Variants in STARD13 observed in about 807,000 individuals in gnomAD.
The protein encoded by STARD13 is stAR-related lipid transfer protein 13.
Under a neutral mutation model 106.4 loss-of-function variants are expected in STARD13, and 62 were observed. That is an observed-to-expected ratio of 0.58 (90% CI 0.48 to 0.72). The LOEUF (loss-of-function observed/expected upper bound fraction) is 0.72, where lower values mean the gene tolerates loss of function less well. Among genes scored for constraint, STARD13 ranks in the 30% least tolerant of loss-of-function variants. The pLI is 0.00. For missense variants in STARD13, 1,387 were observed against 1,424.0 expected (o/e 0.97, Z 0.42); for synonymous variants, 565 against 553.0 (o/e 1.02, Z -0.31).
chr13:33,120,755 T>C (rs1876154171), intron 7 of STARD13, among the ~76,000 whole-genome samples: 1 of 151,318 alleles, frequency 6.6e-6, no homozygotes, highest in African/African-American at 2.4e-5. Flanking sequence ...GAGCTAACCC[T>C]GGAACCGTTC....
intron 1 of STARD13, among the ~76,000 whole-genome samples, chr13:33,276,448 G>C (rs1021095370): frequency 1.3e-5 from 2 of 152,082 alleles, no homozygotes; most frequent in East Asian, 3.8e-4. Flanking sequence ...TATCATTAAC[G>C]CAGGATTTGT....
chr13:33,317,475 C>T (rs1451697178), intron 1 of STARD13, among the ~76,000 whole-genome samples: 1 of 152,172 alleles, frequency 6.6e-6, no homozygotes, highest in African/African-American at 2.4e-5. Context: ...ACTACTGCAG[C>T]AGCCCTGCTT....
chr13:33,482,926 A>G, the STARD13 span, among the ~76,000 whole-genome samples: 1 of 152,226 alleles, frequency 6.6e-6, no homozygotes, highest in African/African-American at 2.4e-5. Context: ...ATAGGAGAGA[A>G]GCAGAAAATC....
At chr13:33,166,327 C>T (rs1883309303) in intron 2 of STARD13, among the ~76,000 whole-genome samples, 1 of 151,854 alleles carries the variant, frequency 6.6e-6, no homozygotes, top group South Asian at 2.1e-4. Flanking sequence ...GATTTTTTTT[C>T]ATGGAAGGCT....
chr13:33,498,635 A>T, the STARD13 span, among the ~76,000 whole-genome samples: 1 of 152,224 alleles, frequency 6.6e-6, no homozygotes, highest in Non-Finnish European at 1.5e-5. Flanking sequence ...TTTGCAAGAT[A>T]AGATACAAAT....
chr13:33,305,966 G>A (rs1555260614), intron 1 of STARD13, among the ~76,000 whole-genome samples: 1 of 152,144 alleles, frequency 6.6e-6, no homozygotes, highest in Non-Finnish European at 1.5e-5. Flanking sequence ...CACAGAATTA[G>A]AAAAAACTGC....
intron 1 of STARD13, among the ~76,000 whole-genome samples, chr13:33,234,524 C>A (rs1889090311): frequency 6.6e-6 from 1 of 152,208 alleles, no homozygotes; most frequent in Non-Finnish European, 1.5e-5. Flanking sequence ...ACTCAATGTT[C>A]ATCCACCTTA....
chr13:33,400,281 G>A, the STARD13 span, among the ~76,000 whole-genome samples: 2 of 152,130 alleles, frequency 1.3e-5, no homozygotes, highest in Non-Finnish European at 2.9e-5. Flanking sequence ...GTTCATCTAT[G>A]TTGTGACAAA....
At chr13:33,642,569 T>G in the STARD13 span, among the ~76,000 whole-genome samples, 1 of 152,116 alleles carries the variant, frequency 6.6e-6, no homozygotes, top group South Asian at 2.1e-4. Context: ...AGGAGCCCCG[T>G]TTACAAGTTA....
At chr13:33,110,123 T>C (rs2138065229) in intron 11 of STARD13, 33 bp from the exon 12 acceptor site, 1 of 1,601,052 alleles carries the variant, frequency 6.2e-7, no homozygotes, top group South Asian at 1.1e-5. Context: ...GCTGAAGAGG[T>C]TGTCTGGGAT....
At chr13:33,507,015 C>G in the STARD13 span, among the ~76,000 whole-genome samples, 1 of 152,092 alleles carries the variant, frequency 6.6e-6, no homozygotes, top group Non-Finnish European at 1.5e-5. Flanking sequence ...GTGAGAGGAT[C>G]GCTTGAGCTT....
At chr13:33,646,691 T>A in the STARD13 span, among the ~76,000 whole-genome samples, 5 of 152,172 alleles carry the variant, frequency 3.3e-5, no homozygotes, top group Non-Finnish European at 7.4e-5. Flanking sequence ...TTTTTTTTTT[T>A]AATGAAATTT....
At chr13:33,374,156 G>A in the STARD13 span, among the ~76,000 whole-genome samples, 1 of 152,128 alleles carries the variant, frequency 6.6e-6, no homozygotes, top group African/African-American at 2.4e-5. Context: ...AAACCTTGAA[G>A]ACATTATACT....
At chr13:33,418,447 T>C in the STARD13 span, among the ~76,000 whole-genome samples, 2 of 152,224 alleles carry the variant, frequency 1.3e-5, no homozygotes, top group Non-Finnish European at 2.9e-5. Flanking sequence ...AAGCTCAAAC[T>C]GGGTGGAGCC....
At chr13:33,291,186 GTTC>G (rs972973613) in intron 1 of STARD13, among the ~76,000 whole-genome samples, 26 of 152,332 alleles carry the variant, frequency 1.7e-4, no homozygotes, top group African/African-American at 5.3e-4. Context: ...ATTGAAGAAT[GTTC>G]TTCTTTTTAA....
chr13:33,406,834 T>C, the STARD13 span, among the ~76,000 whole-genome samples: 1 of 152,002 alleles, frequency 6.6e-6, no homozygotes, highest in Admixed American at 6.5e-5. Flanking sequence ...AGCGTCGCCT[T>C]GTGAGACCTC....
At chr13:33,256,360 G>GTTGCCA (rs1186714255) in intron 1 of STARD13, among the ~76,000 whole-genome samples, 2 of 152,206 alleles carry the variant, frequency 1.3e-5, no homozygotes, top group Admixed American at 1.3e-4. Flanking sequence ...AGTCAGCAGT[G>GTTGCCA]TTGCCATTGT....
chr13:33,521,999 A>T, the STARD13 span, among the ~76,000 whole-genome samples: 3 of 152,084 alleles, frequency 2.0e-5, no homozygotes, highest in Non-Finnish European at 2.9e-5. Flanking sequence ...TTTAACTTTC[A>T]TTGTTAATTT....
chr13:33,662,261 C>CA, the STARD13 span, among the ~76,000 whole-genome samples: 26,077 of 124,428 alleles, frequency 0.21, 4,341 homozygotes, highest in African/African-American at 0.46. Flanking sequence ...GACCCCGTCT[C>CA]AAAAAAAAAA....
Sources: allele counts gnomAD v4.1 joint callset (sites outside exome capture counted in the v4.1 genomes callset), GRCh38; gene constraint gnomAD v4.1.1; transcripts MANE v1.5; gene names NCBI Gene and HGNC (gene_info 2026-07-23, HGNC 2026-07-21).